The following RRAGD variants were observed in gnomAD, a reference collection of about 807,000 sequenced individuals.
RRAGD encodes the protein ras-related GTP-binding protein D.
In RRAGD, 12 loss-of-function variants were observed where a neutral mutation model predicts 35.5. That is an observed-to-expected ratio of 0.34 (90% confidence interval 0.22 to 0.55). RRAGD has a LOEUF of 0.55. Ranked by LOEUF, RRAGD falls within the 20% of genes least tolerant of loss-of-function variation. The probability of loss-of-function intolerance (pLI) is 0.91; values close to 1 mark genes in which losing one functional copy is unlikely to be tolerated. For missense variants in RRAGD, 324 were observed against 490.1 expected, an observed-to-expected ratio of 0.66 and a Z score of 3.20; for synonymous variants, 155 against 178.9, an observed-to-expected ratio of 0.87 and a Z score of 1.07.
At chr6:89,395,325 G>A (rs1244519078) in intron 1 of RRAGD, among the ~76,000 whole-genome samples, 1 of 152,206 alleles carries the variant, frequency 6.6e-6, no homozygotes, top group Non-Finnish European at 1.5e-5. Context: ...GGCTGAGGCA[G>A]AAGGACTGCT....
Position 89,380,329 on chromosome 6 carries a change from C to A in RRAGD, c.483G>T (p.Thr161=). The A allele has an allele frequency of 1.9e-6, 3 of 1,614,196 alleles. No individual in the cohort carries two copies. Among genetic ancestry groups the A allele is most frequent in the Non-Finnish European group, 2.5e-6 (3 of 1,180,030 alleles). Residue 161 remains threonine, a synonymous_variant, in exon 3 of 7, where the codon ACG becomes ACT. Transcript: ENST00000369415. ...YMEALARLHL[T]VTRAYKVNTD... is the part of the protein sequence containing the mutation. ...TATTCACTTTGTAGGCCCTGGTCAC[C>A]GTGAGGTGGAGCCTGGCCAGGGCTT...
In RRAGD at chr6:89,380,381, C is replaced by T; in HGVS notation, c.445-14G>A. The T allele has an allele frequency of 6.2e-7, 1 of 1,612,074 alleles. No homozygotes were observed. Among genetic ancestry groups the T allele is most frequent in the Non-Finnish European group, 8.5e-7 (1 of 1,178,950 alleles). Reference sequence around the variant, plus strand: ...CATGTAATCATCCTAGGACCAAAGGCAACGCCTGTGAGAGAAGGCCGCTTT... The same window carrying T: ...CATGTAATCATCCTAGGACCAAAGGTAACGCCTGTGAGAGAAGGCCGCTTT... On this transcript the variant is annotated splice_polypyrimidine_tract_variant and intron_variant, in intron 2 of 6. Coordinates refer to ENST00000369415, the MANE Select transcript of RRAGD (RefSeq NM_021244.5).
intron 1 of RRAGD, among the ~76,000 whole-genome samples, chr6:89,392,115 A>G (rs1170715454): frequency 6.6e-6 from 1 of 152,146 alleles, no homozygotes; most frequent in Non-Finnish European, 1.5e-5. Flanking sequence ...ATGAGTAAAT[A>G]CACAAAAATA....
intron 1 of RRAGD, among the ~76,000 whole-genome samples, chr6:89,389,982 A>G (rs1288938628): frequency 1.3e-5 from 2 of 152,256 alleles, no homozygotes; most frequent in African/African-American, 2.4e-5. Flanking sequence ...TCCACATGCA[A>G]AAGAATGAAG....
At chr6:89,377,156 A>G (rs1260207548) in intron 5 of RRAGD, among the ~76,000 whole-genome samples, 1 of 152,214 alleles carries the variant, frequency 6.6e-6, no homozygotes, top group Non-Finnish European at 1.5e-5. Flanking sequence ...TCAATCATTC[A>G]TGTTATTGGT....
In RRAGD at chr6:89,379,322, T is replaced by C; in HGVS notation, c.661A>G (p.Ile221Val). The C allele has an allele frequency of 6.4e-7, 1 of 1,570,440 alleles. No homozygotes were observed. Among genetic ancestry groups the C allele is most frequent in the Non-Finnish European group, 8.7e-7 (1 of 1,148,032 alleles). The change falls in exon 4 of 7, where the codon ATA becomes GTA. Residue 221 changes from isoleucine to valine, a missense_variant. Physicochemically the swap from Ile to Val is conservative, Grantham distance 29. Coordinates refer to ENST00000369415, the MANE Select transcript of RRAGD (RefSeq NM_021244.5). Reference sequence around the variant, plus strand: ...GCTTCAAATATTGAATGATCATATATGCTTGTCAGATAAAAGCTGAAAGAG... The same window carrying C: ...GCTTCAAATATTGAATGATCATATACGCTTGTCAGATAAAAGCTGAAAGAG... ...KIHLSFYLTSIYDHSIFEAFS... is the reference protein window; with the variant it reads ...KIHLSFYLTSVYDHSIFEAFS...
In RRAGD at chr6:89,370,457, A is replaced by G. The variant is rs774611941; in HGVS notation, c.1051+1980T>C. The stretch of plus-strand genomic sequence containing the variant: ...CCAATATTGATAAGAACACAGCAAA[A>G]TAAGTATTCATATTCTCTTCGCAGC... On this transcript the variant is annotated intron_variant, in intron 6 of 6. Transcript: ENST00000369415. Among the ~76,000 whole-genome samples the G allele has an allele frequency of 2.6e-5, 4 of 152,238 alleles. No homozygotes were observed. In the South Asian group the frequency reaches 6.2e-4, roughly 24 times the overall value.
At chr6:89,389,611 T>A in intron 1 of RRAGD, among the ~76,000 whole-genome samples, 1 of 150,722 alleles carries the variant, frequency 6.6e-6, no homozygotes, top group Non-Finnish European at 1.5e-5. Context: ...CCTGTAGGGC[T>A]CTCTCTTTCC....
intron 6 of RRAGD, among the ~76,000 whole-genome samples, chr6:89,369,172 T>C (rs1341222345): frequency 6.6e-6 from 1 of 152,180 alleles, no homozygotes; most frequent in Non-Finnish European, 1.5e-5. Flanking sequence ...GGAAAACCTC[T>C]GAGTAGTGCC....
At chr6:89,374,865 G>T (rs1309691709) in intron 5 of RRAGD, among the ~76,000 whole-genome samples, 1 of 152,006 alleles carries the variant, frequency 6.6e-6, no homozygotes, top group Non-Finnish European at 1.5e-5. Context: ...TGCTTTAACA[G>T]AATTCATTAA....
intron 2 of RRAGD, among the ~76,000 whole-genome samples, chr6:89,383,526 C>T (rs1458317694): frequency 6.6e-6 from 1 of 152,068 alleles, no homozygotes; most frequent in Non-Finnish European, 1.5e-5. Flanking sequence ...GAAATTAGAT[C>T]TGGGGATTAT....
At chr6:89,396,992 C>T (rs1189955801) in intron 1 of RRAGD, among the ~76,000 whole-genome samples, 2 of 152,002 alleles carry the variant, frequency 1.3e-5, no homozygotes, top group African/African-American at 2.4e-5. Context: ...CCACCCACCT[C>T]GGCCTCCCGA....
chr6:89,395,772 A>G (rs1290047362), intron 1 of RRAGD, among the ~76,000 whole-genome samples: 1 of 152,204 alleles, frequency 6.6e-6, no homozygotes, highest in Non-Finnish European at 1.5e-5. Flanking sequence ...TCTCAGAGAA[A>G]CTTAGAAATC....
chr6:89,400,833 G>C (rs907590602), intron 1 of RRAGD, among the ~76,000 whole-genome samples: 2 of 152,106 alleles, frequency 1.3e-5, no homozygotes, highest in African/African-American at 4.8e-5. Context: ...AGGAGCAATC[G>C]GGGGACAAGT....
chr6:89,406,117 TA>T (rs1320048782), intron 1 of RRAGD, among the ~76,000 whole-genome samples: 7 of 152,250 alleles, frequency 4.6e-5, no homozygotes, highest in Admixed American at 2.0e-4. Flanking sequence ...CACTGGCAAA[TA>T]ACTAAAAAAC....
intron 1 of RRAGD, among the ~76,000 whole-genome samples, chr6:89,396,994 G>A (rs1443912930): frequency 6.6e-6 from 1 of 151,996 alleles, no homozygotes; most frequent in Non-Finnish European, 1.5e-5. Flanking sequence ...ACCCACCTCG[G>A]CCTCCCGAAT....
At chr6:89,372,275 A>C (rs1768865061) in intron 6 of RRAGD, among the ~76,000 whole-genome samples, 162 bp downstream of exon 6, 2 of 152,266 alleles carry the variant, frequency 1.3e-5, no homozygotes. Context: ...CACTGGGGGC[A>C]GGAGCCCGCC....
rs1165142740 is a variant in RRAGD, at chr6:89,379,307, T to C, written c.676A>G (p.Ile226Val). 5 of 1,599,378 alleles carry C rather than the reference T, an allele frequency of 3.1e-6. No individual in the cohort carries two copies. The highest frequency in any genetic ancestry group is 1.1e-5 in the South Asian group (1 of 90,004). ...ACAACTTTGCTAAAAGCTTCAAATA[T>C]TGAATGATCATATATGCTTGTCAGA... ...FYLTSIYDHS[I>V]FEAFSKVVQK... Residue 226 changes from isoleucine (I) to valine (V), a missense_variant, in exon 4 of 7, where the codon ATA (isoleucine) becomes GTA (valine). Physicochemically the swap from Ile to Val is conservative, Grantham distance 29. This residue lies in a region of RRAGD where 152 missense variants were observed against 296.9 expected (regional missense o/e 0.51). Transcript: ENST00000369415.
chr6:89,404,286 C>G (rs1769537091), intron 1 of RRAGD, among the ~76,000 whole-genome samples: 1 of 152,070 alleles, frequency 6.6e-6, no homozygotes, highest in Non-Finnish European at 1.5e-5. Context: ...CAGTGCTTAC[C>G]CACAACAAAC....
Sources: allele counts gnomAD v4.1 joint callset (sites outside exome capture counted in the v4.1 genomes callset), GRCh38; gene constraint gnomAD v4.1.1; regional missense constraint gnomAD v4.1.1; transcripts MANE v1.5; gene names NCBI Gene and HGNC (gene_info 2026-07-23, HGNC 2026-07-21).